The following CNTNAP4 variants were observed in gnomAD, a reference collection of about 807,000 sequenced individuals.
CNTNAP4 encodes the protein contactin-associated protein-like 4.
A neutral mutation model predicts 148.4 loss-of-function variants in CNTNAP4; 98 were observed. The ratio of observed to expected loss-of-function variants is 0.66; its 90% confidence interval spans 0.56 to 0.78. The LOEUF (loss-of-function observed/expected upper bound fraction) is 0.78. Among genes scored for constraint, CNTNAP4 ranks in the 30% least tolerant of loss-of-function variants. CNTNAP4 has a pLI of 0.00. For missense variants in CNTNAP4, 1,935 were observed against 1,565.6 expected, an observed-to-expected ratio of 1.24 and a Z score of -3.98; for synonymous variants, 730 against 565.1, an observed-to-expected ratio of 1.29 and a Z score of -4.14.
At chr16:76,428,073 G>T (rs1325064890) in intron 4 of CNTNAP4, among the ~76,000 whole-genome samples, 2 of 152,104 alleles carry the variant, frequency 1.3e-5, no homozygotes, top group African/African-American at 4.8e-5. Flanking sequence ...TATGCTGTCA[G>T]TATAAATTAA....
chr16:76,341,081 C>T (rs533207378), intron 2 of CNTNAP4, among the ~76,000 whole-genome samples: 1 of 152,122 alleles, frequency 6.6e-6, no homozygotes, highest in African/African-American at 2.4e-5. Context: ...TGGAGTTTGC[C>T]TCTGCTCTTT....
At chr16:76,427,343 C>T in intron 3 of CNTNAP4, 109 bp from the exon 4 acceptor site, 2 of 816,498 alleles carry the variant, frequency 2.4e-6, no homozygotes, top group Non-Finnish European at 3.8e-6. Flanking sequence ...GAAGGTAGCA[C>T]CATTCATAGT....
intron 15 of CNTNAP4, among the ~76,000 whole-genome samples, chr16:76,515,695 G>A (rs2083219425): frequency 6.6e-6 from 1 of 152,066 alleles, no homozygotes. Flanking sequence ...GTATACAGAT[G>A]GCAAGAAAGC....
chr16:76,447,369 TG>T (rs2080288768), intron 4 of CNTNAP4, among the ~76,000 whole-genome samples: 1 of 149,758 alleles, frequency 6.7e-6, no homozygotes, highest in Admixed American at 6.7e-5. Flanking sequence ...TATATATATA[TG>T]AGAAATTTAG....
At chr16:76,356,424 C>T (rs1374298891) in intron 3 of CNTNAP4, among the ~76,000 whole-genome samples, 2 of 152,154 alleles carry the variant, frequency 1.3e-5, no homozygotes, top group Admixed American at 6.5e-5. Context: ...GGTGCAGCTC[C>T]TATAAGAGGG....
chr16:76,532,023 C>T (rs1161627477), intron 17 of CNTNAP4, among the ~76,000 whole-genome samples: 1 of 152,154 alleles, frequency 6.6e-6, no homozygotes, highest in Non-Finnish European at 1.5e-5. Context: ...CTCTGACCTT[C>T]TTCTTTACTG....
chr16:76,452,871 TA>T, intron 8 of CNTNAP4, 102 bp downstream of exon 8: 1 of 1,045,638 alleles, frequency 9.6e-7, no homozygotes, highest in Admixed American at 3.3e-5. Context: ...ATTTGCTTAA[TA>T]AATGAATACT....
intron 2 of CNTNAP4, among the ~76,000 whole-genome samples, chr16:76,331,996 G>C (rs1468342031): frequency 1.3e-5 from 2 of 152,166 alleles, no homozygotes; most frequent in African/African-American, 4.8e-5. Flanking sequence ...TTGGCAAATA[G>C]TTTTATTTTT....
In CNTNAP4 at chr16:76,448,146, G is replaced by C. The variant is rs2080318992; in HGVS notation, c.673G>C (p.Glu225Gln). The change falls in exon 5 of 24, where the codon GAA becomes CAA. Residue 225 changes from glutamate to glutamine, a missense_variant. Glu to Gln is a conservative substitution (Grantham distance 29). Coordinates refer to ENST00000611870, the MANE Select transcript of CNTNAP4 (RefSeq NM_033401.5). ...MQSDGILLHR[E>Q]GPNGDHITLQ... ...GAGTGATGGGATTCTACTCCACAGG[G>C]AAGGGCCAAATGGAGATCACATCAC... 6.2e-7 allele frequency: 1 copy of C among 1,613,648 alleles called. No individual in the cohort carries two copies. The highest frequency in any genetic ancestry group is 8.5e-7 in the Non-Finnish European group (1 of 1,179,634).
intron 2 of CNTNAP4, among the ~76,000 whole-genome samples, chr16:76,344,705 T>A (rs574468592): frequency 2.8e-4 from 42 of 152,376 alleles, no homozygotes; most frequent in African/African-American, 8.9e-4. Flanking sequence ...ATTTGTTGTT[T>A]AGTCCAGAGA....
chr16:76,537,630 T>A (rs1463655333), intron 18 of CNTNAP4, among the ~76,000 whole-genome samples: 2 of 152,128 alleles, frequency 1.3e-5, no homozygotes, highest in Non-Finnish European at 2.9e-5. Flanking sequence ...ACAATAACTA[T>A]GAGAAAATGT....
chr16:76,335,506 T>G (rs941990801), intron 2 of CNTNAP4, among the ~76,000 whole-genome samples: 3 of 151,184 alleles, frequency 2.0e-5, no homozygotes, highest in Admixed American at 6.6e-5. Context: ...GGAAGGAGAG[T>G]TTGGAAAGGA....
intron 9 of CNTNAP4, among the ~76,000 whole-genome samples, chr16:76,466,331 C>G (rs552584687): frequency 6.6e-6 from 1 of 151,974 alleles, no homozygotes; most frequent in African/African-American, 2.4e-5. Flanking sequence ...TGAATAAGAC[C>G]TACTATAGGA....
At chr16:76,519,053 C>T (rs1021570452) in intron 15 of CNTNAP4, among the ~76,000 whole-genome samples, 3 of 152,136 alleles carry the variant, frequency 2.0e-5, no homozygotes, top group African/African-American at 7.2e-5. Context: ...TGTCTCTTAG[C>T]ACAGGGGGTA....
intron 3 of CNTNAP4, among the ~76,000 whole-genome samples, chr16:76,417,851 G>A (rs1354348907): frequency 6.6e-6 from 1 of 151,562 alleles, no homozygotes; most frequent in Non-Finnish European, 1.5e-5. Flanking sequence ...ACTTTGGAAG[G>A]ATAATTTCTC....
chr16:76,382,429 G>C (rs1230574255), intron 3 of CNTNAP4, among the ~76,000 whole-genome samples: 1 of 152,050 alleles, frequency 6.6e-6, no homozygotes, highest in Non-Finnish European at 1.5e-5. Context: ...TCTTGCTAAT[G>C]ACAGCCATTT....
rs928468724 is a variant in CNTNAP4, at chr16:76,343,904, A to G, written c.197-11414A>G. 3.3e-5 allele frequency among the ~76,000 whole-genome samples: 5 copies of G among 152,338 alleles called. No individual in the cohort carries two copies. The South Asian group carries it at 8.3e-4, about 25-fold the overall frequency. ...AGCAAATCTTTTCTCTACATTTTTC[A>G]TAAAATCATGACCCTTGTGCATTCC... On this transcript the variant is annotated intron_variant, in intron 2 of 23. Transcript: ENST00000611870.
intron 4 of CNTNAP4, among the ~76,000 whole-genome samples, chr16:76,437,069 G>C (rs538053394): frequency 8.1e-4 from 123 of 152,150 alleles, no homozygotes; most frequent in Non-Finnish European, 1.3e-3. Flanking sequence ...TGAGGAGCAA[G>C]GAAGCTAGTC....
At chr16:76,442,649 C>T (rs754586173) in intron 4 of CNTNAP4, among the ~76,000 whole-genome samples, 2 of 152,016 alleles carry the variant, frequency 1.3e-5, no homozygotes, top group Non-Finnish European at 2.9e-5. Flanking sequence ...TTTATAGCAA[C>T]ACACTCTTGC....
Sources: gnomAD v4.1 joint callset for allele counts (sites outside exome capture counted in the v4.1 genomes callset) on GRCh38, gnomAD v4.1.1 for gene constraint, MANE v1.5 for transcripts, NCBI Gene and HGNC (gene_info 2026-07-23, HGNC 2026-07-21) for gene names.